TTLL7: variants seen among roughly 807,000 people sequenced by gnomAD.
TTLL7 encodes tubulin tyrosine ligase like 7.
TTLL7 carries 53 observed loss-of-function variants against 120.2 expected under a neutral mutation model. That is an observed-to-expected ratio of 0.44 (90% CI 0.35 to 0.55). The LOEUF (loss-of-function observed/expected upper bound fraction) is 0.55, where lower values mean the gene tolerates loss of function less well. Among genes scored for constraint, TTLL7 ranks in the 20% least tolerant of loss-of-function variants. The probability of loss-of-function intolerance (pLI) is 0.00; values close to 1 mark genes in which losing one functional copy is unlikely to be tolerated. For missense variants in TTLL7, 803 were observed against 1,054.7 expected, an observed-to-expected ratio of 0.76 and a Z score of 3.31; for synonymous variants, 353 against 351.7, an observed-to-expected ratio of 1.00 and a Z score of -0.04.
intron 8 of TTLL7, among the ~76,000 whole-genome samples, chr1:83,934,583 G>A (rs1480741739): frequency 1.6e-4 from 24 of 152,160 alleles, no homozygotes; most frequent in African/African-American, 4.8e-5. Flanking sequence ...TACTACTAGG[G>A]TGAGTTATTA....
chr1:83,949,851 G>C lies in TTLL7; in HGVS notation c.279+14C>G. 1 of 1,612,986 alleles carries C rather than the reference G, an allele frequency of 6.2e-7. No homozygotes were observed. Among genetic ancestry groups the C allele is most frequent in the Non-Finnish European group, 8.5e-7 (1 of 1,179,808 alleles). ...TTTCCTCATACCACTAACTGGTCAT[G>C]ATTAATTTCCTACCTGATAATTTTG... is the stretch of plus-strand genomic sequence containing the variant. On this transcript the variant is annotated intron_variant, in intron 4 of 20. Coordinates refer to ENST00000260505, the MANE Select transcript of TTLL7 (RefSeq NM_024686.6).
chr1:83,959,881 T>C (rs1353919969), intron 1 of TTLL7, among the ~76,000 whole-genome samples: 1 of 152,162 alleles, frequency 6.6e-6, no homozygotes, highest in Non-Finnish European at 1.5e-5. Flanking sequence ...ACATACAGTA[T>C]ATTATTTACA....
At chr1:83,978,960 C>A (rs1651732253) in intron 1 of TTLL7, among the ~76,000 whole-genome samples, 1 of 152,154 alleles carries the variant, frequency 6.6e-6, no homozygotes. Flanking sequence ...AAGCTTATGA[C>A]CATGACTCCT....
rs1659604910 is a variant in TTLL7 at position 83,931,607 on chromosome 1, T to C, written c.1047+2001A>G. 2.6e-5 allele frequency among the ~76,000 whole-genome samples: 4 copies of C among 152,146 alleles called. No individual in the cohort carries two copies. In the South Asian group the frequency reaches 8.3e-4, roughly 32 times the overall value. Reference sequence around the variant, plus strand: ...TGAATAATGGCTACACCAGGGCAAGTATTCTGTCTTCTTATATTCCCACCA... The same window carrying C: ...TGAATAATGGCTACACCAGGGCAAGCATTCTGTCTTCTTATATTCCCACCA... On this transcript the variant is annotated intron_variant, in intron 9 of 20. Coordinates refer to ENST00000260505, the MANE Select transcript of TTLL7 (RefSeq NM_024686.6).
chr1:83,996,534 C>G (rs1459085403), intron 1 of TTLL7, among the ~76,000 whole-genome samples: 1 of 152,202 alleles, frequency 6.6e-6, no homozygotes, highest in African/African-American at 2.4e-5. Flanking sequence ...CTTTCCTGAT[C>G]CTCTGATCAT....
chr1:83,986,293 T>G (rs866263957), intron 1 of TTLL7, among the ~76,000 whole-genome samples: 14 of 152,210 alleles, frequency 9.2e-5, no homozygotes, highest in African/African-American at 3.1e-4. Flanking sequence ...ATTTATTTCA[T>G]GTATGCAAGG....
chr1:83,891,490 G>C (rs1321816317), intron 18 of TTLL7, among the ~76,000 whole-genome samples: 1 of 152,010 alleles, frequency 6.6e-6, no homozygotes, highest in Non-Finnish European at 1.5e-5. Context: ...GTGCACAAAC[G>C]GGAAAACAGT....
intron 1 of TTLL7, among the ~76,000 whole-genome samples, chr1:83,993,294 AG>A: frequency 6.6e-6 from 1 of 152,352 alleles, no homozygotes; most frequent in Non-Finnish European, 1.5e-5. Flanking sequence ...ATTACTGCTG[AG>A]CCACCTTCCA....
chr1:83,877,152 T>G (rs12120160), intron 20 of TTLL7, among the ~76,000 whole-genome samples: 65,743 of 151,830 alleles, frequency 0.43, 15,585 homozygotes, highest in Non-Finnish European at 0.54. Flanking sequence ...TGAAATTACC[T>G]TTTATGCTAT....
At chr1:83,946,995 A>G (rs1648568201) in intron 6 of TTLL7, 129 bp downstream of exon 6, 2 of 691,610 alleles carry the variant, frequency 2.9e-6, no homozygotes, top group Non-Finnish European at 4.4e-6. Flanking sequence ...TTCCAAAACT[A>G]CAATAGTTAG....
chr1:83,890,793 C>G (rs1655399884), intron 18 of TTLL7, among the ~76,000 whole-genome samples: 1 of 151,860 alleles, frequency 6.6e-6, no homozygotes, highest in Non-Finnish European at 1.5e-5. Flanking sequence ...TAGCATAGAA[C>G]AAAAAGTCTA....
intron 1 of TTLL7, among the ~76,000 whole-genome samples, chr1:83,988,990 G>A (rs1652736119): frequency 6.6e-6 from 1 of 152,156 alleles, no homozygotes; most frequent in Admixed American, 6.5e-5. Context: ...TTACAGGCAT[G>A]AGCCACCACG....
intron 20 of TTLL7, among the ~76,000 whole-genome samples, chr1:83,879,294 T>C (rs1351480092): frequency 2.0e-5 from 3 of 151,976 alleles, no homozygotes; most frequent in Non-Finnish European, 4.4e-5. Context: ...GGAGAAATGT[T>C]TACTTCTCTT....
At chr1:83,891,591 T>C (rs750077707) in intron 18 of TTLL7, among the ~76,000 whole-genome samples, 20 of 151,964 alleles carry the variant, frequency 1.3e-4, no homozygotes, top group Non-Finnish European at 2.6e-4. Context: ...TAGGTAAAAA[T>C]AGGAGGCAGC....
At position 83,865,085 on chromosome 1, in the gene TTLL7, A is replaced by T. The variant is rs1316752071; in HGVS notation, c.*4877T>A. 1 of 151,818 alleles carries T rather than the reference A, an allele frequency of 6.6e-6. No individual in the cohort carries two copies. Among genetic ancestry groups the T allele is most frequent in the Non-Finnish European group, 1.5e-5 (1 of 67,856 alleles). 9.4% of individuals were successfully genotyped at this position (151,818 alleles called of 1,614,324 possible). On this transcript the variant is annotated 3_prime_UTR_variant, in exon 21 of 21. Coordinates refer to ENST00000260505, the MANE Select transcript of TTLL7 (RefSeq NM_024686.6). ...GTATCAGAGTAATTGAAATAACTTC[A>T]CCATACAGATATCACATGCTGGAGC...
chr1:83,975,133 A>C (rs1446072715), intron 1 of TTLL7, among the ~76,000 whole-genome samples: 1 of 152,112 alleles, frequency 6.6e-6, no homozygotes, highest in Non-Finnish European at 1.5e-5. Flanking sequence ...TATTCAAGGG[A>C]ACAAGACATG....
intron 18 of TTLL7, among the ~76,000 whole-genome samples, chr1:83,893,045 A>T (rs1655910985): frequency 6.6e-6 from 1 of 151,790 alleles, no homozygotes; most frequent in Admixed American, 6.6e-5. Context: ...GAGTTCAAGA[A>T]TATAATAACT....
intron 18 of TTLL7, chr1:83,900,285 T>G: frequency 3.6e-6 from 1 of 276,728 alleles, no homozygotes; most frequent in Non-Finnish European, 7.2e-6. Context: ...TAACAAAAAT[T>G]GATAGAAAGC....
At chr1:83,986,395 A>T (rs1557808755) in intron 1 of TTLL7, among the ~76,000 whole-genome samples, 1 of 152,244 alleles carries the variant, frequency 6.6e-6, no homozygotes, top group Non-Finnish European at 1.5e-5. Context: ...TGATACTAAA[A>T]AAAGTATTTG....
Sources: gnomAD v4.1 joint callset for allele counts (sites outside exome capture counted in the v4.1 genomes callset) on GRCh38, gnomAD v4.1.1 for gene constraint, MANE v1.5 for transcripts, NCBI Gene and HGNC (gene_info 2026-07-23, HGNC 2026-07-21) for gene names.